ADGRD1: variants seen among roughly 807,000 people sequenced by gnomAD.
ADGRD1 encodes the protein G-protein coupled receptor 133.
In ADGRD1, 77 loss-of-function variants were observed where a neutral mutation model predicts 113.4. The ratio of observed to expected loss-of-function variants is 0.68; its 90% CI spans 0.57 to 0.82. The LOEUF (loss-of-function observed/expected upper bound fraction) is 0.82. Ranked by LOEUF, ADGRD1 falls within the 40% of genes least tolerant of loss-of-function variation. The pLI is 0.00. For synonymous variants in ADGRD1, 474 were observed against 475.0 expected, an observed-to-expected ratio of 1.00 and a Z score of 0.03; for missense variants, 1,036 against 1,139.1, an observed-to-expected ratio of 0.91 and a Z score of 1.30.
intron 18 of ADGRD1, among the ~76,000 whole-genome samples, chr12:131,109,344 T>C (rs749106745): frequency 2.5e-4 from 38 of 152,228 alleles, no homozygotes; most frequent in Admixed American, 8.5e-4. Context: ...AAGTGAAAGT[T>C]GAGGTTACTG....
chr12:131,011,190 T>G (rs1877840254), intron 12 of ADGRD1, among the ~76,000 whole-genome samples: 1 of 129,728 alleles, frequency 7.7e-6, no homozygotes. Context: ...TGCCCCACCC[T>G]TCCCCACCTC....
chr12:131,108,690 G>A (rs373121625), intron 17 of ADGRD1, 34 bp from the exon 18 acceptor site: 162 of 1,613,946 alleles, frequency 1.0e-4, no homozygotes, highest in Non-Finnish European at 1.3e-4. Context: ...CCACCCCAGA[G>A]CTGTCTCACT....
In ADGRD1 at chr12:131,016,603, A is replaced by C. The variant is rs367781765; in HGVS notation, c.1473+2263A>C. ...CCGCGGCGTGTCAAGCCTGTAGTCA[A>C]GAGTCTGTAGCTGGGCGCAGTGGCT... On this transcript the variant is annotated intron_variant, in intron 13 of 24. Transcript: ENST00000261654. Among the ~76,000 whole-genome samples, 13 of 152,378 alleles carry C rather than the reference A, an allele frequency of 8.5e-5. No homozygotes were observed. In the South Asian group the frequency reaches 1.9e-3, roughly 22 times the overall value.
At chr12:131,137,438 GCCTGGCA>G (rs1275970902) in intron 23 of ADGRD1, among the ~76,000 whole-genome samples, 3 of 152,236 alleles carry the variant, frequency 2.0e-5, no homozygotes, top group African/African-American at 4.8e-5. Flanking sequence ...GCTGCTCTGG[GCCTGGCA>G]CCTGCCATGT....
chr12:130,995,938 TTGTGTC>T (rs1489552219), intron 8 of ADGRD1, among the ~76,000 whole-genome samples: 4 of 152,004 alleles, frequency 2.6e-5, no homozygotes, highest in African/African-American at 9.7e-5. Flanking sequence ...TCCGCAGTGT[TTGTGTC>T]CCTGATTACT....
chr12:130,962,070 T>C (rs1166613199), intron 2 of ADGRD1: 2 of 152,286 alleles, frequency 1.3e-5, no homozygotes, highest in Non-Finnish European at 2.9e-5. Flanking sequence ...GTTAACTACC[T>C]TGGATGCCAT....
At chr12:131,028,764 A>T (rs1880273570) in intron 13 of ADGRD1, among the ~76,000 whole-genome samples, 1 of 151,428 alleles carries the variant, frequency 6.6e-6, no homozygotes, top group African/African-American at 2.4e-5. Flanking sequence ...CTGTTTCTGG[A>T]CTCTGCTCTG....
chr12:131,109,810 C>A (rs572456461), intron 18 of ADGRD1, among the ~76,000 whole-genome samples: 1 of 152,148 alleles, frequency 6.6e-6, no homozygotes, highest in East Asian at 1.9e-4. Flanking sequence ...GTTGTTCTGT[C>A]CATTACTGAA....
intron 13 of ADGRD1, among the ~76,000 whole-genome samples, chr12:131,014,878 G>A (rs1474645442): frequency 1.3e-5 from 2 of 152,170 alleles, no homozygotes; most frequent in Non-Finnish European, 2.9e-5. Context: ...TGGGGATACC[G>A]ATGCACTGCC....
intron 14 of ADGRD1, among the ~76,000 whole-genome samples, chr12:131,082,587 C>A (rs1008712335): frequency 2.0e-5 from 3 of 152,262 alleles, no homozygotes; most frequent in South Asian, 2.1e-4. Flanking sequence ...TCAGGCCCCC[C>A]CCTCAAATTG....
In ADGRD1 at chr12:131,104,453, GC is replaced by G. The variant is rs1950179888; in HGVS notation, c.1672-375del. On this transcript the variant is annotated intron_variant, in intron 15 of 24. Coordinates refer to ENST00000261654, the MANE Select transcript of ADGRD1 (RefSeq NM_198827.5). ...GGCCCAGATTGTCAGCCAGGACGTG[GC>G]CCAGCTGGGACTTGAACCCGGGAGG... Among the ~76,000 whole-genome samples the G allele has an allele frequency of 3.9e-5, 6 of 152,182 alleles. No homozygotes were observed. In the South Asian group the frequency reaches 1.2e-3, roughly 32 times the overall value.
intron 5 of ADGRD1, chr12:130,986,726 C>T (rs1042480102): frequency 1.7e-4 from 39 of 231,772 alleles, no homozygotes; most frequent in African/African-American, 7.4e-4. Context: ...CCTTGTCTCG[C>T]TCCTGACCAT....
intron 15 of ADGRD1, among the ~76,000 whole-genome samples, chr12:131,099,890 G>T (rs1950030334): frequency 6.6e-6 from 1 of 152,192 alleles, no homozygotes; most frequent in African/African-American, 2.4e-5. Flanking sequence ...CATGATGCTG[G>T]CTTTGGGTGG....
At chr12:131,016,522 C>T (rs996995093) in intron 13 of ADGRD1, among the ~76,000 whole-genome samples, 5 of 152,258 alleles carry the variant, frequency 3.3e-5, no homozygotes, top group Admixed American at 1.3e-4. Context: ...AATGTGGCTG[C>T]GACATGCAGC....
At chr12:131,065,024 C>T (rs1884605532) in intron 13 of ADGRD1, among the ~76,000 whole-genome samples, 1 of 152,208 alleles carries the variant, frequency 6.6e-6, no homozygotes, top group East Asian at 1.9e-4. Flanking sequence ...CAGATTCTCC[C>T]TCTCCTCTCT....
rs573448163 is a variant in ADGRD1 at position 131,063,547 on chromosome 12, G to C, written c.1474-13254G>C. Among the ~76,000 whole-genome samples the C allele has an allele frequency of 5.9e-5, 9 of 152,300 alleles. No individual in the cohort carries two copies. In the East Asian group the frequency reaches 1.5e-3, roughly 26 times the overall value. ...ACTCTCCTTCCTTCATTGAATTGCTGTTGTTTCTTTGCCAAAAATCAGTTG... is the reference window on the plus strand; with the variant it reads ...ACTCTCCTTCCTTCATTGAATTGCTCTTGTTTCTTTGCCAAAAATCAGTTG... On this transcript the variant is annotated intron_variant, in intron 13 of 24. Coordinates refer to ENST00000261654, the MANE Select transcript of ADGRD1 (RefSeq NM_198827.5).
At chr12:131,125,427 G>A (rs1950717401) in intron 20 of ADGRD1, among the ~76,000 whole-genome samples, 1 of 152,110 alleles carries the variant, frequency 6.6e-6, no homozygotes, top group Admixed American at 6.5e-5. Context: ...AGGAGTCTCT[G>A]ATTTAAAATC....
Position 131,088,339 on chromosome 12 carries a change from G to C in ADGRD1, c.1671+3676G>C, listed in dbSNP as rs545738380. Reference sequence around the variant, plus strand: ...GTGAGGATGCTGTGGCACGCACAGAGACACAGCAAGTCAGTGCACGCCACG... The same window carrying C: ...GTGAGGATGCTGTGGCACGCACAGACACACAGCAAGTCAGTGCACGCCACG... On this transcript the variant is annotated intron_variant, in intron 15 of 24. Coordinates refer to ENST00000261654, the MANE Select transcript of ADGRD1 (RefSeq NM_198827.5). Among the ~76,000 whole-genome samples, 6 of 152,366 alleles carry C rather than the reference G, an allele frequency of 3.9e-5. No homozygotes were observed. In the South Asian group the frequency reaches 1.0e-3, roughly 26 times the overall value.
chr12:131,076,987 C>T lies in ADGRD1; in HGVS notation c.1547+113C>T, dbSNP rs868455579. ...CCCATTTCTGCAGCTGACATGGTTG[C>T]GTTATGCGAAAATGCTGGAAATGCT... On this transcript the variant is annotated intron_variant, in intron 14 of 24. Transcript: ENST00000261654. 37 of 896,812 alleles carry T rather than the reference C, an allele frequency of 4.1e-5. No homozygotes were observed. In the Middle Eastern group the frequency reaches 3.3e-3, roughly 80 times the overall value. The allele number at this position is 896,812 out of a possible 1,614,324, so 55.6% of individuals were successfully genotyped here. A position where few individuals can be genotyped will look rare whatever the true frequency, so the allele number is the denominator to read the frequency against.
Sources: allele counts gnomAD v4.1 joint callset (sites outside exome capture counted in the v4.1 genomes callset), GRCh38; gene constraint gnomAD v4.1.1; transcripts MANE v1.5; gene names NCBI Gene and HGNC (gene_info 2026-07-23, HGNC 2026-07-21).